Variants in XPC observed in about 807,000 individuals in gnomAD.
The protein encoded by XPC is DNA repair protein complementing XP-C cells.
In XPC, 76 loss-of-function variants were observed where a neutral mutation model predicts 95.8. That is an observed-to-expected ratio of 0.79 (90% confidence interval 0.66 to 0.96). The LOEUF (loss-of-function observed/expected upper bound fraction) is 0.96. Among genes scored for constraint, XPC ranks in the 40% least tolerant of loss-of-function variants. The probability of loss-of-function intolerance (pLI) is 0.00; values close to 1 mark genes in which losing one functional copy is unlikely to be tolerated. For synonymous variants in XPC, 442 were observed against 442.1 expected (o/e 1.00, Z 0.00); for missense variants, 1,146 against 1,179.8 (o/e 0.97, Z 0.42).
intron 2 of XPC, 140 bp from the exon 3 acceptor site, chr3:14,170,690 G>T: frequency 1.7e-6 from 1 of 589,004 alleles, no homozygotes; most frequent in Non-Finnish European, 2.9e-6. Context: ...TAAGCTCTGA[G>T]CCTCACTTCC....
At chr3:14,156,884 C>T (rs1192761316) in intron 9 of XPC, among the ~76,000 whole-genome samples, 2 of 152,236 alleles carry the variant, frequency 1.3e-5, no homozygotes, top group Non-Finnish European at 2.9e-5. Flanking sequence ...TGTCTGCTCT[C>T]ACAGGAAACT....
At chr3:14,165,002 A>G (rs1696317494) in intron 6 of XPC, 69 bp from the exon 7 acceptor site, 2 of 1,554,318 alleles carry the variant, frequency 1.3e-6, no homozygotes, top group Non-Finnish European at 8.7e-7. Flanking sequence ...TCCAGCCAAG[A>G]AAATAAAAAG....
At position 14,147,926 on chromosome 3, in the gene XPC, A is replaced by C. The variant is rs201597537; in HGVS notation, c.2496T>G (p.Ile832Met). 6.2e-7 allele frequency: 1 copy of C among 1,602,358 alleles called. No homozygotes were observed. Among genetic ancestry groups the C allele is most frequent in the East Asian group, 2.2e-5 (1 of 44,592 alleles). ...LTAWENEQAV[I>M]ERKEKEKKEK... ...CGCTTACCTCCTTCTCCTTCCTTTC[A>C]ATGACTGCCTGCTCATTTTCCCAGG... Residue 832 changes from isoleucine to methionine, a missense_variant, in exon 14 of 16, where the codon ATT becomes ATG. Physicochemically the swap from Ile to Met is conservative, Grantham distance 10. Transcript: ENST00000285021.
At chr3:14,154,008 CAGGT>C (rs1453804700) in intron 10 of XPC, among the ~76,000 whole-genome samples, 6 of 152,186 alleles carry the variant, frequency 3.9e-5, no homozygotes, top group African/African-American at 1.4e-4. Context: ...TAGGGGTTGA[CAGGT>C]AGGCAGCATC....
intron 1 of XPC, among the ~76,000 whole-genome samples, chr3:14,175,353 C>T (rs1486371518): frequency 6.6e-6 from 1 of 152,148 alleles, no homozygotes. Context: ...TTTTTCTTTT[C>T]ATCTATAGAA....
At chr3:14,178,373 C>G (rs1696926850) in intron 1 of XPC, 93 bp downstream of exon 1, 1 of 1,400,974 alleles carries the variant, frequency 7.1e-7, no homozygotes, top group Non-Finnish European at 9.4e-7. Context: ...GCAACCTCCA[C>G]CAGGCCTCCG....
intron 7 of XPC, among the ~76,000 whole-genome samples, chr3:14,161,569 A>C (rs1574965710): frequency 6.6e-6 from 1 of 151,698 alleles, no homozygotes; most frequent in South Asian, 2.1e-4. Flanking sequence ...GAAAATCCAG[A>C]GGATCATTTC....
At chr3:14,171,571 G>A (rs926299126) in intron 2 of XPC, among the ~76,000 whole-genome samples, 2 of 152,212 alleles carry the variant, frequency 1.3e-5, no homozygotes, top group African/African-American at 2.4e-5. Flanking sequence ...AAGGCCAGGC[G>A]CAATGGCTCA....
Position 14,158,426 on chromosome 3 carries a change from G to T in XPC, c.1457C>A (p.Thr486Asn), listed in dbSNP as rs1696019277. ...TKAGSKSASR[T>N]HRGSHRKDPS... Reference sequence around the variant, plus strand: ...GTCCTTACGATGGCTCCCACGATGGGTCCTGGAGGCACTCTTGGACCCAGC... The same window carrying T: ...GTCCTTACGATGGCTCCCACGATGGTTCCTGGAGGCACTCTTGGACCCAGC... Residue 486 changes from threonine (T) to asparagine (N), a missense_variant, in exon 9 of 16, where the codon ACC becomes AAC. Physicochemically the swap from Thr to Asn is moderately conservative, Grantham distance 65 (BLOSUM62 0). Coordinates refer to ENST00000285021, the MANE Select transcript of XPC (RefSeq NM_004628.5). This position sits in a 1 kb window ranked among gnomAD's most constrained non-coding sequence, Gnocchi z 5.2. The T allele has an allele frequency of 1.2e-6, 2 of 1,613,690 alleles. No homozygotes were observed. Among genetic ancestry groups the T allele is most frequent in the African/African-American group, 2.7e-5 (2 of 74,872 alleles).
At chr3:14,176,875 C>T (rs1438557309) in intron 1 of XPC, among the ~76,000 whole-genome samples, 2 of 152,192 alleles carry the variant, frequency 1.3e-5, no homozygotes, top group Non-Finnish European at 2.9e-5. Flanking sequence ...CCGAGGCAAA[C>T]GGATCACCTG....
intron 1 of XPC, among the ~76,000 whole-genome samples, chr3:14,173,969 T>C (rs1043171634): frequency 2.0e-5 from 3 of 152,184 alleles, no homozygotes; most frequent in African/African-American, 7.2e-5. Context: ...AATTATTTAA[T>C]AATTCAGTCT....
At chr3:14,147,139 C>G in intron 15 of XPC, 151 bp downstream of exon 15, 1 of 799,378 alleles carries the variant, frequency 1.3e-6, no homozygotes, top group South Asian at 1.7e-5. Context: ...AAGGTAAAAA[C>G]AAGCGGCCTT....
At position 14,159,793 on chromosome 3, in the gene XPC, G is replaced by C. The variant is rs1409425114; in HGVS notation, c.938C>G (p.Thr313Ser). The C allele has an allele frequency of 1.9e-6, 3 of 1,561,646 alleles. No individual in the cohort carries two copies. Among genetic ancestry groups the C allele is most frequent in the Non-Finnish European group, 2.6e-6 (3 of 1,152,694 alleles). Residue 313 changes from threonine to serine, a missense_variant, in exon 8 of 16, where the codon ACC becomes AGC. By Grantham distance (58) the Thr-to-Ser change is moderately conservative. Transcript: ENST00000285021. Reference sequence around the variant, plus strand: ...TGGCTGTAGAGACAATACCAGCCGGGTCAAGAGCTGCAGAGCCCGGAGAAT... The same window carrying C: ...TGGCTGTAGAGACAATACCAGCCGGCTCAAGAGCTGCAGAGCCCGGAGAAT... ...LLILRALQLLTRLVLSLQPIP... is the reference protein window; with the variant it reads ...LLILRALQLLSRLVLSLQPIP...
intron 1 of XPC, 198 bp downstream of exon 1, chr3:14,178,268 G>A (rs1222854878): frequency 1.6e-6 from 1 of 610,160 alleles, no homozygotes; most frequent in Admixed American, 3.8e-5. Context: ...AAGCTCGCGG[G>A]AAACCGCTCT....
chr3:14,154,996 C>A (rs190798285), intron 10 of XPC, among the ~76,000 whole-genome samples: 11 of 152,302 alleles, frequency 7.2e-5, no homozygotes, highest in Admixed American at 3.9e-4. Context: ...GGCTTTCTCC[C>A]GACTACCCGT....
chr3:14,156,631 A>C lies in XPC; in HGVS notation c.1873-136T>G. ...GTTTCATGAACACTAATGGTTTTGT[A>C]ACATCGCATCTGTACCTCCGGCCAG... On this transcript the variant is annotated intron_variant, in intron 9 of 15. Transcript: ENST00000285021. 3 of 1,202,666 alleles carry C rather than the reference A, an allele frequency of 2.5e-6. No individual in the cohort carries two copies. In the South Asian group the frequency reaches 4.0e-5, roughly 16 times the overall value. The allele number at this position is 1,202,666 out of a possible 1,614,324, so 74.5% of individuals were successfully genotyped here. A position where few individuals can be genotyped will look rare whatever the true frequency, so the allele number is the denominator to read the frequency against.
Position 14,158,646 on chromosome 3 carries a change from T to C in XPC, c.1237A>G (p.Thr413Ala), listed in dbSNP as rs1230206865. The C allele has an allele frequency of 2.5e-6, 4 of 1,613,712 alleles. No individual in the cohort carries two copies. The African/African-American group carries it at 5.3e-5, about 22-fold the overall frequency. ...TCCCGGCCATGCGGACGTCGCTGGGTTGCCTTCTCCTGCTTGTCTCCTGGG... is the reference window on the plus strand; with the variant it reads ...TCCCGGCCATGCGGACGTCGCTGGGCTGCCTTCTCCTGCTTGTCTCCTGGG... ...EGPGDKQEKA[T>A]QRRPHGRERR... The change falls in exon 9 of 16, where the codon ACC (threonine) becomes GCC (alanine). Residue 413 changes from threonine (T) to alanine (A), a missense_variant. By Grantham distance (58) the Thr-to-Ala change is moderately conservative. Transcript: ENST00000285021. This position sits in a 1 kb window ranked among gnomAD's most constrained non-coding sequence, Gnocchi z 5.2.
intron 1 of XPC, among the ~76,000 whole-genome samples, chr3:14,176,366 G>A (rs1371391770): frequency 1.3e-5 from 2 of 152,140 alleles, no homozygotes; most frequent in African/African-American, 2.4e-5. Context: ...TTCAGAGAGC[G>A]TTCCCCGATC....
rs1696008069 is a variant in XPC at position 14,158,303 on chromosome 3, C to T, written c.1580G>A (p.Gly527Asp). The change falls in exon 9 of 16, where the codon GGT (glycine) becomes GAT (aspartate). Residue 527 changes from glycine to aspartate, a missense_variant. By Grantham distance (94) the Gly-to-Asp change is moderately conservative. Coordinates refer to ENST00000285021, the MANE Select transcript of XPC (RefSeq NM_004628.5). This position sits in a 1 kb window ranked among gnomAD's most constrained non-coding sequence, Gnocchi z 5.2. Reference protein sequence around the residue: ...GEKAEKRSIAGIDQWLEVFCE... With the variant: ...GEKAEKRSIADIDQWLEVFCE... The stretch of plus-strand genomic sequence containing the variant: ...GAACACCTCTAGCCACTGGTCTATA[C>T]CAGCTATGCTTCTTTTTTCTGCCTT... 1.2e-6 allele frequency: 2 copies of T among 1,614,042 alleles called. No homozygotes were observed. Among genetic ancestry groups the T allele is most frequent in the Non-Finnish European group, 1.7e-6 (2 of 1,179,906 alleles).
Sources: allele counts gnomAD v4.1 joint callset (sites outside exome capture counted in the v4.1 genomes callset), GRCh38; gene constraint gnomAD v4.1.1; non-coding constraint Gnocchi (gnomAD v3.1); transcripts MANE v1.5; gene names NCBI Gene and HGNC (gene_info 2026-07-23, HGNC 2026-07-21).